QKI: variants seen among roughly 807,000 people sequenced by gnomAD.
QKI encodes QKI, KH domain containing RNA binding, also known as KH domain-containing RNA-binding protein QKI.
A neutral mutation model predicts 39.0 loss-of-function variants in QKI; 10 were observed. The observed-to-expected ratio is 0.26, with a 90% CI of 0.16 to 0.43. The LOEUF is 0.43. Among genes scored for constraint, QKI ranks in the 20% least tolerant of loss-of-function variants. The probability of loss-of-function intolerance (pLI) is 1.00; values close to 1 mark genes in which losing one functional copy is unlikely to be tolerated. For missense variants in QKI, 218 were observed against 428.0 expected, an observed-to-expected ratio of 0.51 and a Z score of 4.33; for synonymous variants, 204 against 155.4, an observed-to-expected ratio of 1.31 and a Z score of -2.33.
At position 163,562,088 on chromosome 6, in the gene QKI, G is replaced by A. The variant is rs368804902; in HGVS notation, c.634+19G>A. On this transcript the variant is annotated intron_variant, in intron 5 of 7. Transcript: ENST00000361752. ...AAATCACGTAAGAATGAGCTCTGAG[G>A]CCCAGGGTTACTGCTGTCTGCGTTG... The A allele has an allele frequency of 3.8e-6, 6 of 1,594,318 alleles. No individual in the cohort carries two copies. In the African/African-American group the frequency reaches 6.7e-5, roughly 18 times the overall value.
intron 3 of QKI, among the ~76,000 whole-genome samples, chr6:163,514,736 G>C (rs1489543852): frequency 6.6e-6 from 1 of 152,202 alleles, no homozygotes; most frequent in Non-Finnish European, 1.5e-5. Flanking sequence ...AGTTGAATTT[G>C]CATATGCAAA....
chr6:163,449,893 A>G (rs959041926), intron 1 of QKI, among the ~76,000 whole-genome samples: 6 of 151,840 alleles, frequency 4.0e-5, no homozygotes, highest in African/African-American at 1.5e-4. Flanking sequence ...TATTCTCTTA[A>G]CAGTTTTTCC....
At chr6:163,520,385 A>C (rs1021316551) in intron 3 of QKI, among the ~76,000 whole-genome samples, 4 of 152,186 alleles carry the variant, frequency 2.6e-5, no homozygotes, top group African/African-American at 9.6e-5. Context: ...TCATGAGTGT[A>C]ACAGTCTAGG....
At chr6:163,564,645 T>G (rs569793425) in intron 6 of QKI, 2 of 1,613,922 alleles carry the variant, frequency 1.2e-6, no homozygotes, top group African/African-American at 2.7e-5. Flanking sequence ...AAAAAGACAT[T>G]ACTGATGCCT....
chr6:163,429,714 A>G lies in QKI; in HGVS notation c.142+14379A>G, dbSNP rs561759017. On this transcript the variant is annotated intron_variant, in intron 1 of 7. Coordinates refer to ENST00000361752, the MANE Select transcript of QKI (RefSeq NM_006775.3). Reference sequence around the variant, plus strand: ...AGTAGAAACTGGTTGTTAGGATGCAACGTGATTTTCGAATAATGTCAGAGT... The same window carrying G: ...AGTAGAAACTGGTTGTTAGGATGCAGCGTGATTTTCGAATAATGTCAGAGT... Among the ~76,000 whole-genome samples, 8 of 152,330 alleles carry G rather than the reference A, an allele frequency of 5.3e-5. No homozygotes were observed. In the South Asian group the frequency reaches 1.7e-3, roughly 32 times the overall value.
At chr6:163,457,410 T>C in intron 2 of QKI, 1 of 456,046 alleles carries the variant, frequency 2.2e-6, no homozygotes, top group Non-Finnish European at 4.4e-6. Context: ...TGAACTACTA[T>C]TACCGACTGG....
At chr6:163,443,926 C>G (rs777908045) in intron 1 of QKI, among the ~76,000 whole-genome samples, 11 of 152,162 alleles carry the variant, frequency 7.2e-5, no homozygotes, top group Non-Finnish European at 1.3e-4. Flanking sequence ...TCTGATTTAC[C>G]AAATTCCTTT....
At chr6:163,465,724 C>G (rs1267318338) in intron 2 of QKI, among the ~76,000 whole-genome samples, 1 of 151,736 alleles carries the variant, frequency 6.6e-6, no homozygotes, top group Non-Finnish European at 1.5e-5. Context: ...TAGAAAAACC[C>G]AAGACTTCAT....
At chr6:163,560,456 T>C (rs999396315) in intron 4 of QKI, among the ~76,000 whole-genome samples, 3 of 152,116 alleles carry the variant, frequency 2.0e-5, no homozygotes, top group African/African-American at 7.2e-5. Flanking sequence ...GGATGGCCCC[T>C]GGAGAAGGAA....
At chr6:163,562,153 T>G in intron 5 of QKI, 84 bp downstream of exon 5, 2 of 895,888 alleles carry the variant, frequency 2.2e-6, no homozygotes, top group Non-Finnish European at 3.3e-6. Context: ...AACACAATAA[T>G]AGTTCATACA....
intron 1 of QKI, among the ~76,000 whole-genome samples, chr6:163,429,719 A>AT (rs1284058895): frequency 6.6e-6 from 1 of 152,132 alleles, no homozygotes; most frequent in Non-Finnish European, 1.5e-5. Context: ...ATGCAACGTG[A>AT]TTTTCGAATA....
chr6:163,550,103 C>T (rs1333992622), intron 4 of QKI, among the ~76,000 whole-genome samples: 1 of 152,106 alleles, frequency 6.6e-6, no homozygotes, highest in Admixed American at 6.6e-5. Flanking sequence ...TATAACAATA[C>T]CTGAAACTGG....
intron 7 of QKI, chr6:163,568,217 C>T (rs1783484839): frequency 5.1e-6 from 5 of 984,056 alleles, no homozygotes; most frequent in Non-Finnish European, 6.0e-6. Context: ...CTAATGTCTA[C>T]AATTGTTCTA....
intron 4 of QKI, among the ~76,000 whole-genome samples, chr6:163,552,838 G>A (rs1455529744): frequency 6.6e-6 from 1 of 151,912 alleles, no homozygotes; most frequent in Admixed American, 6.6e-5. Context: ...TTCTATCTCA[G>A]TGCTCATTCT....
intron 1 of QKI, among the ~76,000 whole-genome samples, chr6:163,421,348 A>G (rs1236562099): frequency 6.6e-6 from 1 of 152,232 alleles, no homozygotes; most frequent in Non-Finnish European, 1.5e-5. Flanking sequence ...ACCAAAGGGT[A>G]TCAATTCATA....
At chr6:163,426,135 G>A (rs1205488825) in intron 1 of QKI, among the ~76,000 whole-genome samples, 2 of 152,050 alleles carry the variant, frequency 1.3e-5, no homozygotes, top group Non-Finnish European at 2.9e-5. Flanking sequence ...TCAGATTTCT[G>A]TAGTGGATCC....
In QKI at chr6:163,569,506, A is replaced by G. The variant is rs1214099904; in HGVS notation, c.1010-1188A>G. The G allele has an allele frequency of 2.1e-5, 27 of 1,264,812 alleles. No individual in the cohort carries two copies. The East Asian group carries it at 2.4e-4, about 11-fold the overall frequency. The allele number at this position is 1,264,812 out of a possible 1,614,324, so 78.3% of individuals were successfully genotyped here. On this transcript the variant is annotated intron_variant, in intron 7 of 7. Coordinates refer to ENST00000361752, the MANE Select transcript of QKI (RefSeq NM_006775.3). ...ATAGTAGAAATAATTAAGCTGTTGA[A>G]TGAGTCTTAAAAATTATACTACTGT...
At chr6:163,570,117 A>G (rs916867109) in intron 7 of QKI, 55 of 986,008 alleles carry the variant, frequency 5.6e-5, no homozygotes, top group Non-Finnish European at 5.8e-5. Context: ...TAATTGAAAA[A>G]GCAATAAACA....
chr6:163,468,071 C>G (rs527594971), intron 2 of QKI, among the ~76,000 whole-genome samples: 1 of 152,206 alleles, frequency 6.6e-6, no homozygotes, highest in South Asian at 2.1e-4. Context: ...ATAAGATAGG[C>G]CCACTAGTGT....
Sources: gnomAD v4.1 joint callset for allele counts (sites outside exome capture counted in the v4.1 genomes callset) on GRCh38, gnomAD v4.1.1 for gene constraint, MANE v1.5 for transcripts, NCBI Gene and HGNC (gene_info 2026-07-23, HGNC 2026-07-21) for gene names.